The following BMP2K variants were observed in gnomAD, a reference collection of about 807,000 sequenced individuals.
BMP2K encodes BMP2 inducible kinase.
BMP2K carries 74 observed loss-of-function variants against 116.0 expected under a neutral mutation model. The observed-to-expected ratio is 0.64, with a 90% CI of 0.53 to 0.77. The LOEUF is 0.77. Among genes scored for constraint, BMP2K ranks in the 30% least tolerant of loss-of-function variants. The probability of loss-of-function intolerance (pLI) is 0.00; values close to 1 mark genes in which losing one functional copy is unlikely to be tolerated. For missense variants in BMP2K, 1,365 were observed against 1,403.6 expected, an observed-to-expected ratio of 0.97 and a Z score of 0.44; for synonymous variants, 486 against 502.5, an observed-to-expected ratio of 0.97 and a Z score of 0.44.
chr4:78,886,024 C>T (rs1240859162), intron 14 of BMP2K, among the ~76,000 whole-genome samples: 3 of 152,028 alleles, frequency 2.0e-5, no homozygotes, highest in Non-Finnish European at 4.4e-5. Context: ...CTGTAAAGAT[C>T]GGGAGAGATT....
Position 78,865,652 on chromosome 4 carries a change from C to A in BMP2K, c.1163C>A (p.Thr388Asn), listed in dbSNP as rs1338412347. The change falls in exon 10 of 16, where the codon ACC (threonine) becomes AAC (asparagine). Residue 388 changes from threonine to asparagine, a missense_variant. This residue lies in a region of BMP2K where 762 missense variants were observed against 756.7 expected (regional missense o/e 1.01). Coordinates refer to ENST00000502613, the MANE Select transcript of BMP2K (RefSeq NM_198892.2). Reference protein sequence around the residue: ...SATTATPSVLTIQSSATPVKV... With the variant: ...SATTATPSVLNIQSSATPVKV... ...ACTACTGCCACTCCCAGTGTGCTGA[C>A]CATTCAAAGTTCAGCAACACCTGTT... is the stretch of plus-strand genomic sequence containing the variant. 6.2e-7 allele frequency: 1 copy of A among 1,614,042 alleles called. No individual in the cohort carries two copies. Among genetic ancestry groups the A allele is most frequent in the East Asian group, 2.2e-5 (1 of 44,882 alleles).
chr4:78,795,429 C>G lies in BMP2K; in HGVS notation c.178+18708C>G, dbSNP rs116217235. 2.1e-3 allele frequency among the ~76,000 whole-genome samples: 327 copies of G among 152,250 alleles called. 1 individual carries two copies. The highest frequency in any genetic ancestry group is 7.5e-3 in the African/African-American group (310 of 41,548). ...AAGCAGATGATGGGTTAAAGAGTTGCAGATGCTAGAAGAAAACCTAGGCAT... is the reference window on the plus strand; with the variant it reads ...AAGCAGATGATGGGTTAAAGAGTTGGAGATGCTAGAAGAAAACCTAGGCAT... On this transcript the variant is annotated intron_variant, in intron 1 of 15. Coordinates refer to ENST00000502613, the MANE Select transcript of BMP2K (RefSeq NM_198892.2).
Position 78,833,562 on chromosome 4 carries a change from AT to A in BMP2K, c.298-9del, listed in dbSNP as rs112619803. ...TTTAAATGTACATTTTCCAGTTTTCATTTTTTTTTTTCTTTCCAGAAAGAGC... is the reference window on the plus strand; with the variant it reads ...TTTAAATGTACATTTTCCAGTTTTCATTTTTTTTTTCTTTCCAGAAAGAGC... On this transcript the variant is annotated intron_variant, in intron 2 of 15. Transcript: ENST00000502613. 0.12 allele frequency: 139,131 copies of A among 1,120,088 alleles called. 11,215 individuals carry two copies. The highest frequency in any genetic ancestry group is 0.53 in the African/African-American group (34,731 of 65,830). 69.4% of individuals were successfully genotyped at this position (1,120,088 alleles called of 1,614,324 possible). A position where few individuals can be genotyped will look rare whatever the true frequency, so the allele number is the denominator to read the frequency against.
chr4:78,811,492 T>G (rs1729088528), intron 1 of BMP2K, among the ~76,000 whole-genome samples: 1 of 152,248 alleles, frequency 6.6e-6, no homozygotes, highest in South Asian at 2.1e-4. Context: ...TTCACATGTA[T>G]GCATATGCAG....
At chr4:78,886,679 GAGAA>G (rs1156286254) in intron 14 of BMP2K, among the ~76,000 whole-genome samples, 1 of 152,094 alleles carries the variant, frequency 6.6e-6, no homozygotes, top group African/African-American at 2.4e-5. Context: ...GTGCGAGAGA[GAGAA>G]TGGTTTGATA....
intron 3 of BMP2K, among the ~76,000 whole-genome samples, chr4:78,840,819 A>T (rs1437789236): frequency 1.1e-4 from 17 of 152,144 alleles, no homozygotes; most frequent in Admixed American, 1.1e-3. Flanking sequence ...GTTTGTTTAA[A>T]ATTTATTCTG....
In BMP2K at chr4:78,826,187, T is replaced by C. The variant is rs181740291; in HGVS notation, c.297+32T>C. 145 of 1,544,038 alleles carry C rather than the reference T, an allele frequency of 9.4e-5. No homozygotes were observed. The East Asian group carries it at 2.7e-3, about 29-fold the overall frequency. ...GAAGGAGTAGTTCTCTTTCAGAAAT[T>C]TTGCAAGTTTTTATTTTTTATTTTT... is the stretch of plus-strand genomic sequence containing the variant. On this transcript the variant is annotated intron_variant, in intron 2 of 15. Coordinates refer to ENST00000502613, the MANE Select transcript of BMP2K (RefSeq NM_198892.2).
chr4:78,847,357 C>A, intron 6 of BMP2K, 88 bp downstream of exon 6: 2 of 876,810 alleles, frequency 2.3e-6, no homozygotes, highest in Non-Finnish European at 3.3e-6. Context: ...CCCCAAAAGG[C>A]ATTTCCTAAT....
chr4:78,805,572 T>C (rs1728775536), intron 1 of BMP2K, among the ~76,000 whole-genome samples: 1 of 152,214 alleles, frequency 6.6e-6, no homozygotes, highest in Admixed American at 6.5e-5. Flanking sequence ...AGCATACAAA[T>C]TTTTATTAAG....
At chr4:78,778,691 A>AT (rs1397078685) in intron 1 of BMP2K, among the ~76,000 whole-genome samples, 1 of 152,340 alleles carries the variant, frequency 6.6e-6, no homozygotes, top group African/African-American at 2.4e-5. Flanking sequence ...CAGATGCTTA[A>AT]TATCCCCTCT....
intron 6 of BMP2K, among the ~76,000 whole-genome samples, chr4:78,849,461 TTTACTC>T (rs374047345): frequency 1.3e-5 from 2 of 151,602 alleles, no homozygotes; most frequent in African/African-American, 4.8e-5. Context: ...CCCTACAACA[TTTACTC>T]TAACACAAGA....
At chr4:78,809,084 TTCTC>T (rs1270603068) in intron 1 of BMP2K, among the ~76,000 whole-genome samples, 1 of 152,246 alleles carries the variant, frequency 6.6e-6, no homozygotes, top group African/African-American at 2.4e-5. Flanking sequence ...AATTATCTGT[TTCTC>T]TCCTCAATTC....
intron 1 of BMP2K, among the ~76,000 whole-genome samples, chr4:78,796,598 A>G (rs1225968427): frequency 2.0e-5 from 3 of 152,180 alleles, no homozygotes; most frequent in Non-Finnish European, 2.9e-5. Flanking sequence ...GTATTTTTGT[A>G]CTTAATAGTT....
chr4:78,911,736 G>A lies in BMP2K; in HGVS notation c.3189G>A (p.Glu1063=), dbSNP rs752726734. The change falls in exon 16 of 16, where the codon GAG becomes GAA. Residue 1063 remains glutamate (E), a synonymous_variant. Coordinates refer to ENST00000502613, the MANE Select transcript of BMP2K (RefSeq NM_198892.2). The part of the protein sequence containing the change: ...KDRGNVLQPE[E]SLLDPFGAKP... ...GGGGGAATGTCTTACAACCTGAGGA[G>A]AGCCTGTTGGACCCCTTCGGTGCCA... is the stretch of plus-strand genomic sequence containing the variant. 5 of 1,613,964 alleles carry A rather than the reference G, an allele frequency of 3.1e-6. 1 individual carries two copies. The highest frequency in any genetic ancestry group is 8.5e-7 in the Non-Finnish European group (1 of 1,179,874).
chr4:78,785,145 C>G (rs1332751984), intron 1 of BMP2K, among the ~76,000 whole-genome samples: 1 of 152,012 alleles, frequency 6.6e-6, no homozygotes, highest in African/African-American at 2.4e-5. Flanking sequence ...GAGTCTTGCT[C>G]TGTTGCCCAG....
chr4:78,805,666 T>G (rs1030489760), intron 1 of BMP2K, among the ~76,000 whole-genome samples: 4 of 152,194 alleles, frequency 2.6e-5, no homozygotes, highest in African/African-American at 9.6e-5. Context: ...TCATTGCTAG[T>G]GTATAGAAAT....
At chr4:78,815,413 A>G (rs1249464493) in intron 1 of BMP2K, among the ~76,000 whole-genome samples, 1 of 152,202 alleles carries the variant, frequency 6.6e-6, no homozygotes, top group East Asian at 1.9e-4. Context: ...TTAAGTATAA[A>G]GAGGTAATTT....
At chr4:78,888,135 A>C (rs1482562128) in intron 15 of BMP2K, 1 of 152,138 alleles carries the variant, frequency 6.6e-6, no homozygotes, top group Non-Finnish European at 1.5e-5. Context: ...CAACATTCAG[A>C]CTTGTTTGGT....
At chr4:78,788,691 C>G (rs1233173166) in intron 1 of BMP2K, among the ~76,000 whole-genome samples, 8 of 146,034 alleles carry the variant, frequency 5.5e-5, no homozygotes, top group Non-Finnish European at 1.2e-4. Context: ...ATTGCAAACT[C>G]ATGAGTTTTT....
Sources: gnomAD v4.1 joint callset for allele counts (sites outside exome capture counted in the v4.1 genomes callset) on GRCh38, gnomAD v4.1.1 for gene constraint, gnomAD v4.1.1 regional missense constraint, MANE v1.5 for transcripts, NCBI Gene and HGNC (gene_info 2026-07-23, HGNC 2026-07-21) for gene names.